KCNH1: variants seen among roughly 807,000 people sequenced by gnomAD.
The protein encoded by KCNH1 is potassium voltage-gated channel subfamily H member 1.
Under a neutral mutation model 69.2 loss-of-function variants are expected in KCNH1, and 27 were observed. The ratio of observed to expected loss-of-function variants is 0.39; its 90% CI spans 0.29 to 0.54. The LOEUF is 0.54. Among genes scored for constraint, KCNH1 ranks in the 20% least tolerant of loss-of-function variants. The pLI, the probability that KCNH1 is intolerant of heterozygous loss-of-function variation, is 0.68. For synonymous variants in KCNH1, 456 were observed against 487.7 expected (o/e 0.93, Z 0.86); for missense variants, 798 against 1,261.6 (o/e 0.63, Z 5.57).
intron 6 of KCNH1, among the ~76,000 whole-genome samples, chr1:210,987,846 G>T (rs1358302805): frequency 6.6e-6 from 1 of 152,190 alleles, no homozygotes; most frequent in Non-Finnish European, 1.5e-5. Context: ...AGAGGTTACT[G>T]CTGCCTTTTG....
chr1:210,714,570 T>C (rs1682174041), intron 10 of KCNH1, among the ~76,000 whole-genome samples: 1 of 152,140 alleles, frequency 6.6e-6, no homozygotes, highest in Admixed American at 6.5e-5. Flanking sequence ...AGAATATACA[T>C]GTGCAGCATA....
intron 7 of KCNH1, among the ~76,000 whole-genome samples, chr1:210,816,078 T>C (rs1370540716): frequency 6.6e-6 from 1 of 152,184 alleles, no homozygotes; most frequent in Non-Finnish European, 1.5e-5. Context: ...AACCTGCATT[T>C]CGGTTACACC....
chr1:210,992,816 T>G (rs1461176321), intron 6 of KCNH1, among the ~76,000 whole-genome samples: 2 of 152,220 alleles, frequency 1.3e-5, no homozygotes, highest in African/African-American at 2.4e-5. Context: ...TATTTTTTCT[T>G]TATGCTTTCC....
chr1:210,951,193 G>A (rs1198470454), intron 6 of KCNH1, among the ~76,000 whole-genome samples: 2 of 152,148 alleles, frequency 1.3e-5, no homozygotes, highest in African/African-American at 4.8e-5. Context: ...ACAGGGCTAC[G>A]ACAGAAACTC....
chr1:210,741,366 A>C (rs1284301338), intron 10 of KCNH1, among the ~76,000 whole-genome samples: 1 of 152,178 alleles, frequency 6.6e-6, no homozygotes, highest in Admixed American at 6.5e-5. Flanking sequence ...CCCCAAAGGC[A>C]AGAGGAGTGC....
intron 6 of KCNH1, among the ~76,000 whole-genome samples, chr1:210,970,854 T>C (rs1472925000): frequency 6.6e-6 from 1 of 152,106 alleles, no homozygotes; most frequent in East Asian, 1.9e-4. Context: ...GCAGGCAACC[T>C]ACAGAATGGG....
Position 210,980,019 on chromosome 1 carries a change from C to A in KCNH1, c.1032+38764G>T, listed in dbSNP as rs76622616. On this transcript the variant is annotated intron_variant, in intron 6 of 10. Transcript: ENST00000271751. ...ACTAATTATGACATTTGTAACTTGG[C>A]AACATTATTAACATGTCACAAAATG... Among the ~76,000 whole-genome samples the A allele has an allele frequency of 5.2e-3, 786 of 152,256 alleles. 7 individuals are homozygous for A. Among genetic ancestry groups the A allele is most frequent in the African/African-American group, 0.018 (752 of 41,548 alleles).
At chr1:210,995,961 C>A (rs1689024741) in intron 6 of KCNH1, among the ~76,000 whole-genome samples, 1 of 152,118 alleles carries the variant, frequency 6.6e-6, no homozygotes, top group Admixed American at 6.5e-5. Flanking sequence ...TAAAGGAACC[C>A]CTGAGCTTAA....
At chr1:210,844,803 A>G (rs1036530988) in intron 7 of KCNH1, among the ~76,000 whole-genome samples, 5 of 152,306 alleles carry the variant, frequency 3.3e-5, no homozygotes, top group African/African-American at 1.2e-4. Flanking sequence ...GTTTTTTGAA[A>G]AGATCAACAA....
intron 6 of KCNH1, among the ~76,000 whole-genome samples, chr1:210,958,445 A>C (rs1369045336): frequency 6.6e-6 from 1 of 152,130 alleles, no homozygotes; most frequent in Non-Finnish European, 1.5e-5. Flanking sequence ...CCTGAATTTG[A>C]ATGTTGGCCT....
In KCNH1 at chr1:210,790,937, G is replaced by A. The variant is rs572860241; in HGVS notation, c.1915+6571C>T. ...AAGCCCCATATCCCACTGCTGCCCC[G>A]CAGGGCTCTCAGCTACAGCTCAAGT... On this transcript the variant is annotated intron_variant, in intron 9 of 10. Coordinates refer to ENST00000271751, the MANE Select transcript of KCNH1 (RefSeq NM_172362.3). Among the ~76,000 whole-genome samples the A allele has an allele frequency of 1.4e-4, 22 of 152,218 alleles. No individual in the cohort carries two copies. The South Asian group carries it at 3.7e-3, about 26-fold the overall frequency.
At chr1:210,684,271 C>T in intron 10 of KCNH1, 133 bp from the exon 11 acceptor site, 1 of 867,000 alleles carries the variant, frequency 1.2e-6, no homozygotes, top group Non-Finnish European at 1.6e-6. Context: ...GGGCTCACAG[C>T]CTACAAGGCC....
In KCNH1 at chr1:210,941,811, G is replaced by T. The variant is rs139422542; in HGVS notation, c.1033-21742C>A. On this transcript the variant is annotated intron_variant, in intron 6 of 10. Transcript: ENST00000271751. ...TAACTCAGGGATGTTCTAGGTTTAA[G>T]GTAATAAGGGCCCCCTTCCAGCTAG... Among the ~76,000 whole-genome samples the T allele has an allele frequency of 3.4e-4, 52 of 152,286 alleles. No homozygotes were observed. The East Asian group carries it at 9.8e-3, about 29-fold the overall frequency.
In KCNH1 at chr1:211,082,898, C is replaced by A; in HGVS notation, c.440G>T (p.Gly147Val). The change falls in exon 5 of 11, where the codon GGC becomes GTC. Residue 147 changes from glycine to valine, a missense_variant and splice_region_variant. Transcript: ENST00000271751. ...KQPIEDDSCK[G>V]WGKFARLTRA... ...TGTCAGCCGAGCAAACTTCCCCCAG[C>A]CTGAAGCAAGTGGAAGAGTGAAAAG... 1 of 1,612,876 alleles carries A rather than the reference C, an allele frequency of 6.2e-7. No homozygotes were observed. The highest frequency in any genetic ancestry group is 1.1e-5 in the South Asian group (1 of 90,900).
intron 8 of KCNH1, 109 bp downstream of exon 8, chr1:210,803,858 G>C: frequency 4.2e-6 from 4 of 951,920 alleles, no homozygotes; most frequent in Non-Finnish European, 6.5e-6. Flanking sequence ...AAGTACTCAA[G>C]TGAATTCTGA....
chr1:211,036,495 C>G (rs1005726685), intron 5 of KCNH1, among the ~76,000 whole-genome samples: 1 of 152,144 alleles, frequency 6.6e-6, no homozygotes, highest in African/African-American at 2.4e-5. Context: ...ACCCTCAGCA[C>G]AAAAAGCTTT....
chr1:210,991,458 CA>C (rs1688933905), intron 6 of KCNH1, among the ~76,000 whole-genome samples: 1 of 152,148 alleles, frequency 6.6e-6, no homozygotes, highest in East Asian at 1.9e-4. Flanking sequence ...GCTGAGGAGG[CA>C]GGGGGAGTGG....
At chr1:210,965,275 A>C (rs1688377462) in intron 6 of KCNH1, among the ~76,000 whole-genome samples, 1 of 152,176 alleles carries the variant, frequency 6.6e-6, no homozygotes, top group Non-Finnish European at 1.5e-5. Context: ...AGAAAGAAAT[A>C]AAGGGTATTT....
At chr1:210,892,357 G>A (rs1175634270) in intron 7 of KCNH1, among the ~76,000 whole-genome samples, 1 of 151,898 alleles carries the variant, frequency 6.6e-6, no homozygotes, top group Non-Finnish European at 1.5e-5. Flanking sequence ...TTTTCTGCCT[G>A]AAGAAATGCC....
Sources: gnomAD v4.1 joint callset for allele counts (sites outside exome capture counted in the v4.1 genomes callset) on GRCh38, gnomAD v4.1.1 for gene constraint, MANE v1.5 for transcripts, NCBI Gene and HGNC (gene_info 2026-07-23, HGNC 2026-07-21) for gene names.